The following ANKMY2 variants were observed in gnomAD, a reference collection of about 807,000 sequenced individuals.
ANKMY2 encodes ankyrin repeat and MYND domain containing 2, also known as ankyrin repeat and MYND domain-containing protein 2.
ANKMY2 carries 36 observed loss-of-function variants against 50.4 expected under a neutral mutation model. The observed-to-expected ratio is 0.71, with a 90% CI of 0.55 to 0.94. The LOEUF (loss-of-function observed/expected upper bound fraction) is 0.94. ANKMY2 is among the 40% of genes least tolerant of loss of function. The pLI is 0.00. For synonymous variants in ANKMY2, 187 were observed against 178.8 expected, an observed-to-expected ratio of 1.05 and a Z score of -0.36; for missense variants, 565 against 524.0, an observed-to-expected ratio of 1.08 and a Z score of -0.76.
At chr7:16,639,422 G>A (rs1238047887) in intron 1 of ANKMY2, among the ~76,000 whole-genome samples, 1 of 152,142 alleles carries the variant, frequency 6.6e-6, no homozygotes, top group East Asian at 1.9e-4. Context: ...ACTAATTAAA[G>A]TAATAATTAG....
intron 2 of ANKMY2, among the ~76,000 whole-genome samples, chr7:16,635,128 G>T (rs114165079): frequency 0.02 from 3,043 of 152,116 alleles, 113 homozygotes; most frequent in African/African-American, 0.069. Context: ...AACAGCTGAT[G>T]AATGGATAAA....
chr7:16,604,912 G>GT (rs2128341796), intron 7 of ANKMY2, 63 bp from the exon 8 acceptor site: 1 of 1,513,018 alleles, frequency 6.6e-7, no homozygotes, highest in Non-Finnish European at 8.9e-7. Flanking sequence ...CACTACAGAG[G>GT]TATCAGCCCA....
At position 16,615,802 on chromosome 7, in the gene ANKMY2, G is replaced by C. The variant is rs760785394; in HGVS notation, c.473C>G (p.Pro158Arg). ...TTTGTGCAGCGGGCCTGCCAACTTTGGGGGCAGTTTTGGCTCTTTATCCAG... is the reference window on the plus strand; with the variant it reads ...TTTGTGCAGCGGGCCTGCCAACTTTCGGGGCAGTTTTGGCTCTTTATCCAG... ...QGLDKEPKLP[P>R]KLAGPLHKII... Residue 158 changes from proline (P) to arginine (R), a missense_variant, in exon 5 of 10, where the codon CCA (proline) becomes CGA (arginine). Transcript: ENST00000306999. 2.2e-5 allele frequency: 35 copies of C among 1,614,042 alleles called. No homozygotes were observed. Among genetic ancestry groups the C allele is most frequent in the Non-Finnish European group, 2.9e-5 (34 of 1,180,038 alleles).
chr7:16,638,287 T>G (rs1477417247), intron 1 of ANKMY2, among the ~76,000 whole-genome samples: 2 of 152,230 alleles, frequency 1.3e-5, no homozygotes, highest in Non-Finnish European at 2.9e-5. Flanking sequence ...ATGCCAATCA[T>G]AAGCCCCTGT....
intron 5 of ANKMY2, among the ~76,000 whole-genome samples, chr7:16,613,488 A>G (rs755742031): frequency 1.8e-4 from 28 of 152,280 alleles, no homozygotes; most frequent in Non-Finnish European, 3.5e-4. Context: ...GATTGTTTAT[A>G]CCTACAAAAA....
chr7:16,610,519 A>C, intron 6 of ANKMY2, 30 bp downstream of exon 6: 1 of 1,541,342 alleles, frequency 6.5e-7, no homozygotes, highest in Non-Finnish European at 8.9e-7. Context: ...ACTTGAGTGT[A>C]TTTTATAAAC....
intron 4 of ANKMY2, among the ~76,000 whole-genome samples, chr7:16,623,552 T>A (rs1332300832): frequency 6.6e-6 from 1 of 152,216 alleles, no homozygotes; most frequent in Non-Finnish European, 1.5e-5. Flanking sequence ...AGAGATCACC[T>A]AATTCCCCTG....
intron 4 of ANKMY2, among the ~76,000 whole-genome samples, chr7:16,619,278 C>T (rs940688276): frequency 3.3e-5 from 5 of 151,940 alleles, no homozygotes; most frequent in Non-Finnish European, 7.4e-5. Context: ...CTCAGCCTCC[C>T]GAGTAGCTGG....
At position 16,602,434 on chromosome 7, in the gene ANKMY2, T is replaced by C. The variant is rs372753949; in HGVS notation, c.1087A>G (p.Ile363Val). The C allele has an allele frequency of 4.1e-5, 66 of 1,613,884 alleles. No individual in the cohort carries two copies. The highest frequency in any genetic ancestry group is 5.3e-5 in the Non-Finnish European group (63 of 1,180,012). The change falls in exon 9 of 10, where the codon ATT becomes GTT. Residue 363 changes from isoleucine to valine, a missense_variant. Physicochemically the swap from Ile to Val is conservative, Grantham distance 29. Coordinates refer to ENST00000306999, the MANE Select transcript of ANKMY2 (RefSeq NM_020319.3). ...GCCTCCAACTGTTGCTTTTCGTAAA[T>C]GTCCTTCAGATTCTTACAGATTTTC... ...HKKICKNLKD[I>V]YEKQQLEAAK...
chr7:16,634,417 C>A (rs1357644905), intron 2 of ANKMY2, among the ~76,000 whole-genome samples: 2 of 152,100 alleles, frequency 1.3e-5, no homozygotes, highest in African/African-American at 4.8e-5. Context: ...GAGAGGTCAG[C>A]CAGACTGAGC....
In ANKMY2 at chr7:16,600,852, G is replaced by T. The variant is rs766508470; in HGVS notation, c.1235C>A (p.Ser412Tyr). 5.0e-6 allele frequency: 8 copies of T among 1,612,980 alleles called. No individual in the cohort carries two copies. The South Asian group carries it at 7.7e-5, about 16-fold the overall frequency. The stretch of plus-strand genomic sequence containing the variant: ...AAGAGATTCTTTCTTTCCTTCCCCG[G>T]AATCTTCAGGATTGGAATCCTTTTG... ...ISQKDSNPED[S>Y]GEGKKESLES... The change falls in exon 10 of 10, where the codon TCC (serine) becomes TAC (tyrosine). Residue 412 changes from serine to tyrosine, a missense_variant. By Grantham distance (144) the Ser-to-Tyr change is moderately radical. Coordinates refer to ENST00000306999, the MANE Select transcript of ANKMY2 (RefSeq NM_020319.3).
At chr7:16,616,542 G>C (rs1781352034) in intron 4 of ANKMY2, among the ~76,000 whole-genome samples, 1 of 149,778 alleles carries the variant, frequency 6.7e-6, no homozygotes, top group African/African-American at 2.5e-5. Context: ...CCCTAGCGAA[G>C]CTGCTGGTTT....
At chr7:16,645,468 C>A in intron 1 of ANKMY2, 39 bp downstream of exon 1, 1 of 1,576,802 alleles carries the variant, frequency 6.3e-7, no homozygotes, top group Non-Finnish European at 8.6e-7. Flanking sequence ...GCCCCCCGGC[C>A]AGGCTGGCCG....
chr7:16,643,103 C>A (rs941853317), intron 1 of ANKMY2, among the ~76,000 whole-genome samples: 1 of 152,158 alleles, frequency 6.6e-6, no homozygotes, highest in African/African-American at 2.4e-5. Context: ...CTACTTTCAT[C>A]CCCATAACAA....
At chr7:16,632,660 A>G (rs1169145697) in intron 2 of ANKMY2, among the ~76,000 whole-genome samples, 1 of 152,228 alleles carries the variant, frequency 6.6e-6, no homozygotes, top group Non-Finnish European at 1.5e-5. Flanking sequence ...CATCAGTTGA[A>G]CATTTGGGTT....
chr7:16,619,146 TTATTA>T (rs1012592978), intron 4 of ANKMY2, among the ~76,000 whole-genome samples: 6 of 151,996 alleles, frequency 3.9e-5, no homozygotes, highest in African/African-American at 9.7e-5. Flanking sequence ...AAGGATTTCT[TTATTA>T]TACCTTTTTT....
At chr7:16,611,646 G>A (rs919943701) in intron 5 of ANKMY2, among the ~76,000 whole-genome samples, 5 of 152,182 alleles carry the variant, frequency 3.3e-5, no homozygotes, top group African/African-American at 1.2e-4. Flanking sequence ...GCCAAAGACA[G>A]TTTAAAGCCT....
At chr7:16,632,124 C>T (rs1209024852) in intron 2 of ANKMY2, among the ~76,000 whole-genome samples, 1 of 140,854 alleles carries the variant, frequency 7.1e-6, no homozygotes, top group East Asian at 2.2e-4. Context: ...TCCCTTTCTC[C>T]TTTCCTTCCT....
At chr7:16,616,371 C>T (rs1025268367) in intron 4 of ANKMY2, among the ~76,000 whole-genome samples, 2 of 152,096 alleles carry the variant, frequency 1.3e-5, no homozygotes, top group Non-Finnish European at 2.9e-5. Flanking sequence ...CCCTTATCCC[C>T]TACCCCCTAA....
Sources: allele counts gnomAD v4.1 joint callset (sites outside exome capture counted in the v4.1 genomes callset), GRCh38; gene constraint gnomAD v4.1.1; transcripts MANE v1.5; gene names NCBI Gene and HGNC (gene_info 2026-07-23, HGNC 2026-07-21).